CELF4: variants seen among roughly 807,000 people sequenced by gnomAD.
CELF4 encodes the protein CUG-BP- and ETR-3-like factor 4.
CELF4 carries 18 observed loss-of-function variants against 59.9 expected under a neutral mutation model. The ratio of observed to expected loss-of-function variants is 0.30; its 90% CI spans 0.21 to 0.45. The LOEUF is 0.45. CELF4 is among the 20% of genes least tolerant of loss of function. The probability of loss-of-function intolerance (pLI) is 1.00; values close to 1 mark genes in which losing one functional copy is unlikely to be tolerated. For synonymous variants in CELF4, 261 were observed against 267.1 expected (o/e 0.98, Z 0.22); for missense variants, 456 against 689.0 (o/e 0.66, Z 3.79).
chr18:37,369,253 G>T (rs1330104567), intron 2 of CELF4, among the ~76,000 whole-genome samples: 12 of 152,142 alleles, frequency 7.9e-5, no homozygotes, highest in Non-Finnish European at 1.6e-4. Context: ...ATGGTGGGGG[G>T]GTGGGCAGCG....
rs376873849 is a variant in CELF4 at position 37,365,545 on chromosome 18, A to G, written c.370-43664T>C. 2.8e-5 allele frequency among the ~76,000 whole-genome samples: 4 copies of G among 142,674 alleles called. No individual in the cohort carries two copies. The East Asian group carries it at 6.1e-4, about 22-fold the overall frequency. The allele number at this position is 142,674 out of a possible 152,430, so 93.6% of individuals were successfully genotyped here. Reference sequence around the variant, plus strand: ...CTGTCACCCAGGCTGGAGTGCAATCATGCTATCTCGGCTCACTGCAACTTC... The same window carrying G: ...CTGTCACCCAGGCTGGAGTGCAATCGTGCTATCTCGGCTCACTGCAACTTC... On this transcript the variant is annotated intron_variant, in intron 2 of 12. Coordinates refer to ENST00000420428, the MANE Select transcript of CELF4 (RefSeq NM_020180.4).
At chr18:37,358,027 T>C (rs2098631263) in intron 2 of CELF4, among the ~76,000 whole-genome samples, 1 of 152,172 alleles carries the variant, frequency 6.6e-6, no homozygotes, top group Admixed American at 6.5e-5. Flanking sequence ...GACTCTGGAC[T>C]GTGGGCTTTT....
At chr18:37,460,898 G>A (rs1305792208) in intron 2 of CELF4, among the ~76,000 whole-genome samples, 1 of 152,166 alleles carries the variant, frequency 6.6e-6, no homozygotes, top group Non-Finnish European at 1.5e-5. Flanking sequence ...CTTAAGGTTT[G>A]CTATGGGAAA....
At chr18:37,485,796 G>T in intron 1 of CELF4, 189 bp from the exon 2 acceptor site, 1 of 384,858 alleles carries the variant, frequency 2.6e-6, no homozygotes, top group South Asian at 1.3e-4. Flanking sequence ...TCTGCCTCTC[G>T]TACCTCCCTT....
chr18:37,333,453 T>C (rs539070070), intron 2 of CELF4, among the ~76,000 whole-genome samples: 1 of 152,284 alleles, frequency 6.6e-6, no homozygotes, highest in African/African-American at 2.4e-5. Context: ...TCCATCACTT[T>C]TGAGGAATAC....
chr18:37,283,261 G>A (rs1399152281), intron 3 of CELF4, among the ~76,000 whole-genome samples: 3 of 151,946 alleles, frequency 2.0e-5, no homozygotes, highest in Non-Finnish European at 2.9e-5. Flanking sequence ...CACCTTCTCG[G>A]TGCTGACACC....
rs1047768667 is a variant in CELF4 at position 37,461,822 on chromosome 18, G to A, written c.369+23703C>T. 2.0e-5 allele frequency among the ~76,000 whole-genome samples: 3 copies of A among 152,364 alleles called. No individual in the cohort carries two copies. In the East Asian group the frequency reaches 5.8e-4, roughly 29 times the overall value. On this transcript the variant is annotated intron_variant, in intron 2 of 12. Transcript: ENST00000420428. ...GTCATGCTCATTTTGCAGATATGGA[G>A]GTAGAGGCCAGTGCAGGTAGGAGAC... is the stretch of plus-strand genomic sequence containing the variant.
At chr18:37,386,005 T>A (rs993878435) in intron 2 of CELF4, among the ~76,000 whole-genome samples, 1 of 152,268 alleles carries the variant, frequency 6.6e-6, no homozygotes, top group Admixed American at 6.5e-5. Context: ...CCAAATAAAC[T>A]AAACTTGCAA....
intron 10 of CELF4, among the ~76,000 whole-genome samples, chr18:37,262,180 C>A (rs1458234638): frequency 6.6e-6 from 1 of 152,204 alleles, no homozygotes; most frequent in Non-Finnish European, 1.5e-5. Flanking sequence ...CCTGACAAAC[C>A]ACTCCCAGTG....
chr18:37,413,470 G>A (rs912643280), intron 2 of CELF4, among the ~76,000 whole-genome samples: 1 of 152,100 alleles, frequency 6.6e-6, no homozygotes, highest in African/African-American at 2.4e-5. Flanking sequence ...TTGTACAGAG[G>A]GCCTGAAAAC....
intron 1 of CELF4, among the ~76,000 whole-genome samples, chr18:37,509,213 A>G (rs983898722): frequency 3.3e-5 from 5 of 152,254 alleles, no homozygotes; most frequent in Non-Finnish European, 7.3e-5. Flanking sequence ...AGCACCTGCA[A>G]CCACTTATCT....
chr18:37,552,534 G>A (rs1603644017), intron 1 of CELF4, among the ~76,000 whole-genome samples: 1 of 152,246 alleles, frequency 6.6e-6, no homozygotes, highest in Non-Finnish European at 1.5e-5. Flanking sequence ...TGGCTGGTCT[G>A]CAGGGATGCT....
intron 2 of CELF4, among the ~76,000 whole-genome samples, chr18:37,345,914 C>T (rs1474665121): frequency 1.3e-5 from 2 of 152,114 alleles, no homozygotes; most frequent in South Asian, 2.1e-4. Context: ...GGCTCTGAGG[C>T]TCCCAGTGCA....
At chr18:37,549,056 C>A (rs1038447438) in intron 1 of CELF4, among the ~76,000 whole-genome samples, 1 of 152,202 alleles carries the variant, frequency 6.6e-6, no homozygotes, top group Non-Finnish European at 1.5e-5. Context: ...ACTGGTGAAG[C>A]GGGGCCAGTC....
intron 1 of CELF4, among the ~76,000 whole-genome samples, chr18:37,497,453 A>T (rs2099926429): frequency 6.6e-6 from 1 of 152,184 alleles, no homozygotes; most frequent in Non-Finnish European, 1.5e-5. Context: ...GGAGTTCAAG[A>T]CCAGCCTGAC....
chr18:37,543,888 G>A (rs2099979456), intron 1 of CELF4, among the ~76,000 whole-genome samples: 1 of 152,214 alleles, frequency 6.6e-6, no homozygotes, highest in African/African-American at 2.4e-5. Flanking sequence ...GGAGGCTGAA[G>A]CTCCAGGGAG....
chr18:37,402,280 C>T (rs11082004), intron 2 of CELF4, among the ~76,000 whole-genome samples: 54,925 of 152,088 alleles, frequency 0.36, 10,981 homozygotes, highest in East Asian at 0.64. Flanking sequence ...AATTACCATC[C>T]GTCTTTCAGG....
chr18:37,401,286 A>G (rs1287144903), intron 2 of CELF4, among the ~76,000 whole-genome samples: 1 of 152,204 alleles, frequency 6.6e-6, no homozygotes, highest in African/African-American at 2.4e-5. Context: ...ATTGAACTGC[A>G]AGGCCAGCTG....
intron 2 of CELF4, among the ~76,000 whole-genome samples, chr18:37,322,243 C>T (rs2097148948): frequency 6.6e-6 from 1 of 152,224 alleles, no homozygotes. Flanking sequence ...AAAGCACACC[C>T]TTGGCTCAGC....
Sources: allele counts gnomAD v4.1 joint callset (sites outside exome capture counted in the v4.1 genomes callset), GRCh38; gene constraint gnomAD v4.1.1; transcripts MANE v1.5; gene names NCBI Gene and HGNC (gene_info 2026-07-23, HGNC 2026-07-21).